Variants in SLC30A7 observed in about 807,000 individuals in gnomAD.
The protein encoded by SLC30A7 is zinc transporter 7.
SLC30A7 carries 35 observed loss-of-function variants against 46.0 expected under a neutral mutation model. The ratio of observed to expected loss-of-function variants is 0.76; its 90% confidence interval spans 0.58 to 1.01. The LOEUF (loss-of-function observed/expected upper bound fraction) is 1.01. SLC30A7 is among the 50% of genes least tolerant of loss of function. SLC30A7 has a pLI of 0.00. For missense variants in SLC30A7, 464 were observed against 451.1 expected (o/e 1.03, Z -0.26); for synonymous variants, 147 against 157.8 (o/e 0.93, Z 0.51).
rs753565872 is a variant in SLC30A7 at position 100,978,419 on chromosome 1, A to G, written c.*3562A>G. 12 of 152,180 alleles carry G rather than the reference A, an allele frequency of 7.9e-5. No homozygotes were observed. The highest frequency in any genetic ancestry group is 1.2e-4 in the Non-Finnish European group (8 of 68,014). The allele number at this position is 152,180 out of a possible 1,614,324, so 9.4% of individuals were successfully genotyped here. Reference sequence around the variant, plus strand: ...GGTAGAACCCTGTTATGTAATTCCAAAACTTAAGAACCATATTTACATTGC... The same window carrying G: ...GGTAGAACCCTGTTATGTAATTCCAGAACTTAAGAACCATATTTACATTGC... On this transcript the variant is annotated 3_prime_UTR_variant, in exon 11 of 11. Transcript: ENST00000357650.
intron 8 of SLC30A7, among the ~76,000 whole-genome samples, chr1:100,946,287 T>C (rs1478073024): frequency 6.6e-6 from 1 of 152,180 alleles, no homozygotes; most frequent in Admixed American, 6.5e-5. Context: ...TTTCTTTCTC[T>C]TGCCTGATTG....
At position 100,923,473 on chromosome 1, in the gene SLC30A7, C is replaced by T. The variant is rs181221739; in HGVS notation, c.842+1632C>T. On this transcript the variant is annotated intron_variant, in intron 8 of 10. Transcript: ENST00000357650. ...AAATTATTTGAACAGGGAAATAACT[C>T]TGCTATATAAAAGTCTGTTATAAGC... Among the ~76,000 whole-genome samples the T allele has an allele frequency of 2.5e-3, 373 of 152,190 alleles. 1 individual carries two copies. Among genetic ancestry groups the T allele is most frequent in the Non-Finnish European group, 4.9e-3 (331 of 68,010 alleles).
rs369023206 is a variant in SLC30A7, at chr1:100,962,343, A to G, written c.933+425A>G. On this transcript the variant is annotated intron_variant, in intron 9 of 10. Coordinates refer to ENST00000357650, the MANE Select transcript of SLC30A7 (RefSeq NM_133496.5). ...GTAAGTAGATAAATAAGAAAATATC[A>G]ATGAGAATATAGTAGAAATAAAACA... Among the ~76,000 whole-genome samples, 7 of 152,322 alleles carry G rather than the reference A, an allele frequency of 4.6e-5. No individual in the cohort carries two copies. In the East Asian group the frequency reaches 1.2e-3, roughly 25 times the overall value.
chr1:100,974,812 T>C lies in SLC30A7; in HGVS notation c.1086T>C (p.Ala362=). Residue 362 remains alanine (A), a splice_region_variant and synonymous_variant, in exon 11 of 11, where the codon GCT becomes GCC. Coordinates refer to ENST00000357650, the MANE Select transcript of SLC30A7 (RefSeq NM_133496.5). ...CTTTTTTTTTTCTTACTTTTCAGGC[T>C]GGAGTGAGACAGCTCTACGTACAGA... ...LSQTHNIFTQ[A]GVRQLYVQID... The C allele has an allele frequency of 6.3e-7, 1 of 1,580,008 alleles. No individual in the cohort carries two copies. The highest frequency in any genetic ancestry group is 8.6e-7 in the Non-Finnish European group (1 of 1,157,180).
rs372103785 is a variant in SLC30A7 at position 100,913,836 on chromosome 1, C to T, written c.655+30C>T. The T allele has an allele frequency of 9.5e-6, 15 of 1,575,468 alleles. No homozygotes were observed. In the African/African-American group the frequency reaches 1.5e-4, roughly 16 times the overall value. Reference sequence around the variant, plus strand: ...GTACAGCCTAGAGACAAATGGACAGCCTCCAAATAAACAAGAGTTTTGTGG... The same window carrying T: ...GTACAGCCTAGAGACAAATGGACAGTCTCCAAATAAACAAGAGTTTTGTGG... On this transcript the variant is annotated intron_variant, in intron 6 of 10. Transcript: ENST00000357650.
chr1:100,909,690 T>TC (rs1361527580), intron 3 of SLC30A7, among the ~76,000 whole-genome samples: 2 of 152,050 alleles, frequency 1.3e-5, no homozygotes. Context: ...ATTAAATCAC[T>TC]CCAACATTTT....
chr1:100,988,600 C>T, the SLC30A7 span, among the ~76,000 whole-genome samples: 6 of 152,266 alleles, frequency 3.9e-5, no homozygotes, highest in Admixed American at 2.0e-4. Flanking sequence ...AATCCCAGCA[C>T]TTTGGGAGGC....
At chr1:100,909,970 G>GAA (rs34615755) in intron 3 of SLC30A7, among the ~76,000 whole-genome samples, 5 of 150,794 alleles carry the variant, frequency 3.3e-5, no homozygotes, top group East Asian at 1.9e-4. Context: ...TTTTCTCCAG[G>GAA]AAAAAAAAAT....
downstream of SLC30A7, among the ~76,000 whole-genome samples, chr1:100,983,072 C>T (rs534272841): frequency 2.6e-5 from 4 of 152,300 alleles, no homozygotes; most frequent in African/African-American, 9.6e-5. Flanking sequence ...TTGCAGTCCT[C>T]TAGCTCAGGA....
rs1047694381 is a variant in SLC30A7 at position 100,934,052 on chromosome 1, G to A, written c.842+12211G>A. 5.9e-5 allele frequency among the ~76,000 whole-genome samples: 9 copies of A among 152,310 alleles called. No individual in the cohort carries two copies. In the East Asian group the frequency reaches 1.3e-3, roughly 23 times the overall value. On this transcript the variant is annotated intron_variant, in intron 8 of 10. Coordinates refer to ENST00000357650, the MANE Select transcript of SLC30A7 (RefSeq NM_133496.5). ...ATAGGACTGAGTCTTGTTCAGCTCT[G>A]TATCATATCATTGTGCTTGGTGCAC... is the stretch of plus-strand genomic sequence containing the variant.
chr1:100,901,018 C>T (rs1023265870), intron 2 of SLC30A7, among the ~76,000 whole-genome samples: 1 of 152,140 alleles, frequency 6.6e-6, no homozygotes, highest in Non-Finnish European at 1.5e-5. Flanking sequence ...TCTGTTGTCC[C>T]TGTCCCACCA....
intron 8 of SLC30A7, among the ~76,000 whole-genome samples, chr1:100,959,808 A>T (rs1655437006): frequency 3.3e-5 from 5 of 152,228 alleles, no homozygotes; most frequent in Admixed American, 2.0e-4. Flanking sequence ...AATACTACAT[A>T]GGGCAGGGTC....
At chr1:100,983,061 C>T (rs574620670), downstream of SLC30A7, among the ~76,000 whole-genome samples, 2 of 152,184 alleles carry the variant, frequency 1.3e-5, no homozygotes, top group Admixed American at 1.3e-4. Context: ...CCAGTTTCCA[C>T]TTGCAGTCCT....
chr1:100,960,230 G>A (rs1655463381), intron 8 of SLC30A7, among the ~76,000 whole-genome samples: 2 of 152,118 alleles, frequency 1.3e-5, no homozygotes, highest in Admixed American at 6.5e-5. Flanking sequence ...TTAGACACCA[G>A]TTATTTCTAT....
chr1:100,934,622 AC>A (rs1318037027), intron 8 of SLC30A7, among the ~76,000 whole-genome samples: 3 of 151,270 alleles, frequency 2.0e-5, no homozygotes, highest in African/African-American at 7.3e-5. Flanking sequence ...GAAGCAGAAC[AC>A]ATCTAGTGAG....
chr1:100,947,825 C>A (rs887384813), intron 8 of SLC30A7, among the ~76,000 whole-genome samples: 2 of 152,082 alleles, frequency 1.3e-5, no homozygotes, highest in Non-Finnish European at 2.9e-5. Flanking sequence ...CTCTTTTGAT[C>A]TTTGTTGTTT....
intron 8 of SLC30A7, among the ~76,000 whole-genome samples, chr1:100,922,078 C>G (rs1308013829): frequency 6.6e-6 from 1 of 151,428 alleles, no homozygotes; most frequent in East Asian, 2.0e-4. Flanking sequence ...GTCAGCCTCT[C>G]AAGTAGCTGG....
intron 8 of SLC30A7, among the ~76,000 whole-genome samples, chr1:100,925,519 T>A (rs1653240564): frequency 6.6e-6 from 1 of 152,114 alleles, no homozygotes. Flanking sequence ...GGTACTAACC[T>A]TAGAAATGGA....
chr1:100,994,716 G>A, the SLC30A7 span, among the ~76,000 whole-genome samples: 8 of 152,178 alleles, frequency 5.3e-5, no homozygotes, highest in South Asian at 2.1e-4. Flanking sequence ...TAGTAGAGAC[G>A]TGGTTTCACC....
Sources: gnomAD v4.1 joint callset for allele counts (sites outside exome capture counted in the v4.1 genomes callset) on GRCh38, gnomAD v4.1.1 for gene constraint, MANE v1.5 for transcripts, NCBI Gene and HGNC (gene_info 2026-07-23, HGNC 2026-07-21) for gene names.